Variants in MICALL2 observed in about 807,000 individuals in gnomAD.
The protein encoded by MICALL2 is MICAL-like protein 2.
Under a neutral mutation model 91.1 loss-of-function variants are expected in MICALL2, and 111 were observed. That is an observed-to-expected ratio of 1.22 (90% CI 1.04 to 1.43). MICALL2 has a LOEUF of 1.43. Ranked by LOEUF, MICALL2 falls within the 40% of genes most tolerant of loss-of-function variation. The probability of loss-of-function intolerance (pLI) is 0.00; values close to 1 mark genes in which losing one functional copy is unlikely to be tolerated. For synonymous variants in MICALL2, 694 were observed against 525.3 expected (o/e 1.32, Z -4.39); for missense variants, 1,556 against 1,236.0 (o/e 1.26, Z -3.88).
chr7:1,447,883 C>T (rs1584225466), intron 3 of MICALL2, 118 bp from the exon 4 acceptor site: 7 of 805,808 alleles, frequency 8.7e-6, no homozygotes, highest in Non-Finnish European at 1.3e-5. Context: ...CCTGGGGGCC[C>T]AGGGCTGGGG....
At chr7:1,447,406 TG>T (rs1780647776) in intron 4 of MICALL2, among the ~76,000 whole-genome samples, 168 bp downstream of exon 4, 1 of 152,092 alleles carries the variant, frequency 6.6e-6, no homozygotes, top group African/African-American at 2.4e-5. Flanking sequence ...GATGGAGCCC[TG>T]GAGAGCCCGG....
At chr7:1,455,374 G>A (rs148503355) in intron 1 of MICALL2, among the ~76,000 whole-genome samples, 104 of 152,318 alleles carry the variant, frequency 6.8e-4, no homozygotes, top group South Asian at 3.7e-3. Flanking sequence ...AACAGCGCCC[G>A]GGGGCAGGCG....
rs58126233 is a variant in MICALL2 at position 1,450,528 on chromosome 7, A to G, written c.144-240T>C. ...AGACGGCCCCAGCTTCACCTCCTGT[A>G]CCCTGACAGGCCGCCCCTCACCAGT... On this transcript the variant is annotated intron_variant, in intron 1 of 16. Coordinates refer to ENST00000297508, the MANE Select transcript of MICALL2 (RefSeq NM_182924.4). The G allele has an allele frequency of 7.1e-3, 3,622 of 508,594 alleles. 102 individuals are homozygous for G. Among genetic ancestry groups the G allele is most frequent in the African/African-American group, 0.062 (3,187 of 51,412 alleles). The allele number at this position is 508,594 out of a possible 1,614,324, so 31.5% of individuals were successfully genotyped here.
rs1168200486 is a variant in MICALL2, at chr7:1,442,494, A to G, written c.1419-10T>C. 1 of 1,521,818 alleles carries G rather than the reference A, an allele frequency of 6.6e-7. No homozygotes were observed. Among genetic ancestry groups the G allele is most frequent in the East Asian group, 2.3e-5 (1 of 43,930 alleles). 94.3% of individuals were successfully genotyped at this position (1,521,818 alleles called of 1,614,324 possible). A position where few individuals can be genotyped will look rare whatever the true frequency, so the allele number is the denominator to read the frequency against. ...AGTGGCTGGGGAGGGCCTATAAGTA[A>G]AAGCGCAGGCATCAGGCACAGCTGG... On this transcript the variant is annotated splice_polypyrimidine_tract_variant and intron_variant, in intron 6 of 16. Coordinates refer to ENST00000297508, the MANE Select transcript of MICALL2 (RefSeq NM_182924.4).
chr7:1,448,711 G>T lies in MICALL2; in HGVS notation c.243C>A (p.Ala81=). The change falls in exon 3 of 17, where the codon GCC becomes GCA. Residue 81 remains alanine (A), a synonymous_variant. Coordinates refer to ENST00000297508, the MANE Select transcript of MICALL2 (RefSeq NM_182924.4). ...GCACCTTCAAGGCCACCATGTCCTC[G>T]GCATCCAGCAAGGCTGGGATGCCCA... is the stretch of plus-strand genomic sequence containing the variant. The part of the protein sequence containing the change: ...EHLGIPALLD[A]EDMVALKVPD... 3 of 1,612,746 alleles carry T rather than the reference G, an allele frequency of 1.9e-6. No individual in the cohort carries two copies. The highest frequency in any genetic ancestry group is 2.5e-6 in the Non-Finnish European group (3 of 1,179,908).
rs1185168870 is a variant in MICALL2, at chr7:1,452,168, C to A, written c.144-1880G>T. On this transcript the variant is annotated intron_variant, in intron 1 of 16. Coordinates refer to ENST00000297508, the MANE Select transcript of MICALL2 (RefSeq NM_182924.4). The surrounding 1 kb of genome is among the most constrained non-coding windows in gnomAD (Gnocchi z 6.2). The stretch of plus-strand genomic sequence containing the variant: ...GGACCACCCGTCTGCACAGGCGGAG[C>A]TTCTGCACGCCGGACAAGATGGGGC... 6.6e-6 allele frequency among the ~76,000 whole-genome samples: 1 copy of A among 152,240 alleles called. No homozygotes were observed. Among genetic ancestry groups the A allele is most frequent in the Non-Finnish European group, 1.5e-5 (1 of 68,044 alleles).
rs77113448 is a variant in MICALL2 at position 1,450,100 on chromosome 7, T to G, written c.192+140A>C. On this transcript the variant is annotated intron_variant, in intron 2 of 16. Coordinates refer to ENST00000297508, the MANE Select transcript of MICALL2 (RefSeq NM_182924.4). The stretch of plus-strand genomic sequence containing the variant: ...CCCAGCCCAGGACGCGTTGCCGGGC[T>G]GGTCAGGGAGCCCCCGATTCCCAGG... 3,761 of 698,404 alleles carry G rather than the reference T, an allele frequency of 5.4e-3. 101 individuals carry two copies. In the African/African-American group the frequency reaches 0.059, roughly 11 times the overall value. 43.3% of individuals were successfully genotyped at this position (698,404 alleles called of 1,614,324 possible). A position where few individuals can be genotyped will look rare whatever the true frequency, so the allele number is the denominator to read the frequency against.
chr7:1,439,463 ACAC>A (rs1347081817), intron 9 of MICALL2: 13 of 191,936 alleles, frequency 6.8e-5, no homozygotes, highest in African/African-American at 3.3e-4. Flanking sequence ...TCGCACATGA[ACAC>A]AGATGTACAC....
chr7:1,437,632 G>C (rs540003818), intron 13 of MICALL2, 24 bp from the exon 14 acceptor site: 7 of 1,537,866 alleles, frequency 4.6e-6, no homozygotes, highest in Non-Finnish European at 6.1e-6. Flanking sequence ...ACGCGTCTGA[G>C]GCCTGACTCT....
At chr7:1,440,372 C>T (rs1274671455) in intron 8 of MICALL2, 3 of 630,252 alleles carry the variant, frequency 4.8e-6, no homozygotes, top group Non-Finnish European at 8.4e-6. Context: ...CGTGAACCCA[C>T]ACGGGTGCTG....
At position 1,446,832 on chromosome 7, in the gene MICALL2, G is replaced by C. The variant is rs1428131336; in HGVS notation, c.526-4C>G. On this transcript the variant is annotated splice_region_variant and splice_polypyrimidine_tract_variant and intron_variant, in intron 4 of 16. Transcript: ENST00000297508. ...AGCTGCCCGCCAATGCCTGGTCCTG[G>C]GGAAGATGCCAGCACCTCTCTGAGC... 5 of 1,575,924 alleles carry C rather than the reference G, an allele frequency of 3.2e-6. No individual in the cohort carries two copies. The South Asian group carries it at 5.9e-5, about 18-fold the overall frequency.
rs909890514 is a variant in MICALL2, at chr7:1,442,381, G to A, written c.1522C>T (p.Leu508Phe). Residue 508 changes from leucine to phenylalanine, a missense_variant, in exon 7 of 17, where the codon CTT becomes TTT. By Grantham distance (22) the Leu-to-Phe change is conservative. Transcript: ENST00000297508. Reference protein sequence around the residue: ...KPLQSSSPRVLGLPSRMEPPA... With the variant: ...KPLQSSSPRVFGLPSRMEPPA... The stretch of plus-strand genomic sequence containing the variant: ...GGTTCCATCCTCGAAGGGAGGCCAA[G>A]CACCCGGGGAGACGAGGACTGTAAC... The A allele has an allele frequency of 3.1e-6, 5 of 1,610,212 alleles. No homozygotes were observed. Among genetic ancestry groups the A allele is most frequent in the Non-Finnish European group, 4.2e-6 (5 of 1,177,872 alleles).
intron 1 of MICALL2, among the ~76,000 whole-genome samples, chr7:1,457,526 G>A (rs370679892): frequency 6.6e-6 from 1 of 152,250 alleles, no homozygotes; most frequent in East Asian, 1.9e-4. Flanking sequence ...GAGGCTGAGG[G>A]GAACTGGCAC....
At chr7:1,437,198 C>G (rs1329415067) in intron 14 of MICALL2, 5 of 491,070 alleles carry the variant, frequency 1.0e-5, no homozygotes, top group Admixed American at 8.1e-5. Flanking sequence ...CACCCTGCAT[C>G]ACGAGACAAA....
rs1211938015 is a variant in MICALL2, at chr7:1,451,644, C to T, written c.144-1356G>A. ...CACAGAGGGAGCTGGGGCTGCAAGC[C>T]GTGTCCTGCCTCACCCCGGCCTGCA... On this transcript the variant is annotated intron_variant, in intron 1 of 16. Transcript: ENST00000297508. The surrounding 1 kb of genome is among the most constrained non-coding windows in gnomAD (Gnocchi z 4.5). Among the ~76,000 whole-genome samples, 2 of 152,096 alleles carry T rather than the reference C, an allele frequency of 1.3e-5. No homozygotes were observed.
At chr7:1,446,642 CG>C in intron 5 of MICALL2, 70 bp downstream of exon 5, 1 of 1,135,842 alleles carries the variant, frequency 8.8e-7, no homozygotes, top group South Asian at 1.3e-5. Flanking sequence ...GGGTGGGAGG[CG>C]ATGGGAGCTG....
rs1779869462 is a variant in MICALL2, at chr7:1,434,585, C to T, written c.*11G>A. ...GCCAGGTCCGGGCCGAGCCCACGGC[C>T]CTACTGGCTACTACTGGGAGGGGCT... On this transcript the variant is annotated 3_prime_UTR_variant, in exon 17 of 17. Transcript: ENST00000297508. 1 of 1,608,724 alleles carries T rather than the reference C, an allele frequency of 6.2e-7. No individual in the cohort carries two copies. The highest frequency in any genetic ancestry group is 8.5e-7 in the Non-Finnish European group (1 of 1,176,228).
intron 1 of MICALL2, among the ~76,000 whole-genome samples, chr7:1,453,689 T>G (rs898930520): frequency 4.6e-5 from 7 of 152,024 alleles, no homozygotes; most frequent in Admixed American, 4.6e-4. Flanking sequence ...GGCTGTGGGA[T>G]GGGGGCTGCA....
chr7:1,438,053 T>A (rs1319798277), intron 12 of MICALL2, 44 bp downstream of exon 12: 1 of 1,562,946 alleles, frequency 6.4e-7, no homozygotes, highest in African/African-American at 1.4e-5. Flanking sequence ...ACTGAGGGTG[T>A]CTGTGGGAGT....
Sources: gnomAD v4.1 joint callset for allele counts (sites outside exome capture counted in the v4.1 genomes callset) on GRCh38, gnomAD v4.1.1 for gene constraint, Gnocchi (gnomAD v3.1) non-coding constraint, MANE v1.5 for transcripts, NCBI Gene and HGNC (gene_info 2026-07-23, HGNC 2026-07-21) for gene names.